Variants in RARB observed in about 807,000 individuals in gnomAD.
RARB encodes the protein retinoic acid receptor beta.
RARB carries 17 observed loss-of-function variants against 51.9 expected under a neutral mutation model. The observed-to-expected ratio is 0.33, with a 90% CI of 0.22 to 0.49. The LOEUF is 0.49. RARB is among the 20% of genes least tolerant of loss of function. RARB has a pLI of 0.99. For synonymous variants in RARB, 215 were observed against 195.4 expected (o/e 1.10, Z -0.84); for missense variants, 369 against 550.8 (o/e 0.67, Z 3.30).
At chr3:25,057,424 G>T (rs1198803459) in intron 2 of RARB, among the ~76,000 whole-genome samples, 1 of 151,948 alleles carries the variant, frequency 6.6e-6, no homozygotes, top group Non-Finnish European at 1.5e-5. Flanking sequence ...CAAAATACTT[G>T]TCCTTGAGGC....
chr3:25,193,474 C>A (rs1284149869), intron 5 of RARB, among the ~76,000 whole-genome samples: 2 of 151,920 alleles, frequency 1.3e-5, no homozygotes, highest in African/African-American at 4.8e-5. Context: ...TTCATTGTAC[C>A]CATGATCTGA....
At chr3:24,917,501 C>T (rs1313554711) in intron 2 of RARB, among the ~76,000 whole-genome samples, 4 of 152,194 alleles carry the variant, frequency 2.6e-5, no homozygotes, top group African/African-American at 9.7e-5. Context: ...ATAGTCACTT[C>T]ATCAAAGAAT....
intron 4 of RARB, among the ~76,000 whole-genome samples, chr3:25,147,074 C>G (rs895180658): frequency 2.0e-5 from 3 of 152,108 alleles, no homozygotes; most frequent in African/African-American, 7.2e-5. Flanking sequence ...AGTGAGCAGC[C>G]AGGGTGGGGA....
intron 5 of RARB, among the ~76,000 whole-genome samples, chr3:25,589,506 A>G (rs76875798): frequency 9.9e-5 from 15 of 152,230 alleles, no homozygotes; most frequent in African/African-American, 3.6e-4. Flanking sequence ...AGGAATAGAA[A>G]TGAAGGATCA....
intron 4 of RARB, among the ~76,000 whole-genome samples, chr3:25,148,602 T>C (rs1700232304): frequency 6.6e-6 from 1 of 152,212 alleles, no homozygotes; most frequent in South Asian, 2.1e-4. Context: ...AAGCGTGTGG[T>C]GCAGTGGAAA....
chr3:25,026,434 G>T, intron 2 of RARB, among the ~76,000 whole-genome samples: 1 of 152,176 alleles, frequency 6.6e-6, no homozygotes, highest in East Asian at 1.9e-4. Flanking sequence ...CCTCTCTTTG[G>T]CTTGTAGGTG....
chr3:25,557,089 T>C (rs2125674449), intron 3 of RARB, among the ~76,000 whole-genome samples: 1 of 151,820 alleles, frequency 6.6e-6, no homozygotes, highest in South Asian at 2.1e-4. Context: ...AGAGTAAACT[T>C]GAAAGAAGTT....
chr3:25,184,987 GC>G (rs1700943990), intron 5 of RARB, among the ~76,000 whole-genome samples: 5 of 152,096 alleles, frequency 3.3e-5, no homozygotes, highest in Admixed American at 3.3e-4. Flanking sequence ...CCACTTACTA[GC>G]AAAAATCTTG....
chr3:25,081,250 T>C (rs1004230456), intron 3 of RARB, among the ~76,000 whole-genome samples: 2 of 152,072 alleles, frequency 1.3e-5, no homozygotes, highest in Non-Finnish European at 1.5e-5. Flanking sequence ...TGGTTTCTAA[T>C]TGAATTCAGG....
At chr3:25,446,008 A>G (rs1473347601) in intron 1 of RARB, among the ~76,000 whole-genome samples, 2 of 152,234 alleles carry the variant, frequency 1.3e-5, no homozygotes, top group Non-Finnish European at 2.9e-5. Context: ...ACGCCAGGGA[A>G]CAAAGCATGA....
At chr3:25,530,026 C>G (rs1244525740) in intron 3 of RARB, among the ~76,000 whole-genome samples, 2 of 151,928 alleles carry the variant, frequency 1.3e-5, no homozygotes, top group East Asian at 3.9e-4. Flanking sequence ...CCCACGGACC[C>G]GTGGCTGCCT....
chr3:25,419,986 G>A (rs1707813525), intron 5 of RARB, among the ~76,000 whole-genome samples: 1 of 152,150 alleles, frequency 6.6e-6, no homozygotes, highest in African/African-American at 2.4e-5. Context: ...GAAGCTCTTG[G>A]TTGACTAGAT....
At chr3:25,108,390 T>A (rs193075061) in intron 3 of RARB, among the ~76,000 whole-genome samples, 11 of 152,314 alleles carry the variant, frequency 7.2e-5, no homozygotes, top group Non-Finnish European at 8.8e-5. Context: ...TTTCAAAGGA[T>A]GATTCAGCTA....
chr3:25,313,182 C>T (rs1046940641), intron 5 of RARB, among the ~76,000 whole-genome samples: 1 of 152,110 alleles, frequency 6.6e-6, no homozygotes, highest in African/African-American at 2.4e-5. Flanking sequence ...TGGAAGTTCC[C>T]CTCTTATGGG....
chr3:25,227,436 T>G (rs368243983), intron 5 of RARB, among the ~76,000 whole-genome samples: 28 of 152,300 alleles, frequency 1.8e-4, no homozygotes, highest in African/African-American at 6.7e-4. Context: ...TCCCCCACTC[T>G]GCCAAAATTC....
chr3:24,845,946 G>A (rs1702481129), intron 1 of RARB, among the ~76,000 whole-genome samples: 1 of 152,126 alleles, frequency 6.6e-6, no homozygotes, highest in Non-Finnish European at 1.5e-5. Flanking sequence ...CACTATGCAG[G>A]CACAGACTTA....
intron 3 of RARB, among the ~76,000 whole-genome samples, chr3:25,516,681 C>T (rs58929393): frequency 0.14 from 21,065 of 149,170 alleles, 3,052 homozygotes; most frequent in African/African-American, 0.38. Context: ...GGCTGGAGTG[C>T]AGTGATGCAA....
At chr3:25,541,605 CAA>C (rs1273467005) in intron 3 of RARB, among the ~76,000 whole-genome samples, 1 of 152,176 alleles carries the variant, frequency 6.6e-6, no homozygotes, top group Non-Finnish European at 1.5e-5. Context: ...CCCTGACAGT[CAA>C]AAAGGGAGAG....
intron 5 of RARB, among the ~76,000 whole-genome samples, chr3:25,175,067 T>C (rs568473644): frequency 1.3e-5 from 2 of 152,348 alleles, no homozygotes; most frequent in South Asian, 2.1e-4. Flanking sequence ...CATATCACAT[T>C]AAGCTTTTTT....
Sources: gnomAD v4.1 joint callset for allele counts (sites outside exome capture counted in the v4.1 genomes callset) on GRCh38, gnomAD v4.1.1 for gene constraint, MANE v1.5 for transcripts, NCBI Gene and HGNC (gene_info 2026-07-23, HGNC 2026-07-21) for gene names.